MEI4: variants seen among roughly 807,000 people sequenced by gnomAD.
MEI4 encodes meiotic double-stranded break formation protein 4, also known as meiosis-specific protein MEI4.
A neutral mutation model predicts 31.4 loss-of-function variants in MEI4; 27 were observed. That is an observed-to-expected ratio of 0.86 (90% CI 0.63 to 1.19). The LOEUF is 1.19. Ranked by LOEUF, MEI4 falls within the 50% of genes most tolerant of loss-of-function variation. The pLI is 0.00. For synonymous variants in MEI4, 122 were observed against 145.4 expected, an observed-to-expected ratio of 0.84 and a Z score of 1.16; for missense variants, 329 against 398.9, an observed-to-expected ratio of 0.82 and a Z score of 1.49.
At chr6:77,778,442 T>C (rs538885812) in intron 3 of MEI4, among the ~76,000 whole-genome samples, 1 of 152,194 alleles carries the variant, frequency 6.6e-6, no homozygotes, top group South Asian at 2.1e-4. Flanking sequence ...GGCTCATGCC[T>C]GTAATTCCAG....
At chr6:77,841,316 T>TATATATATATATACAC (rs1554168556) in intron 4 of MEI4, among the ~76,000 whole-genome samples, 2 of 43,418 alleles carry the variant, frequency 4.6e-5, no homozygotes, top group East Asian at 1.7e-3. Context: ...AATGTGTGCA[T>TATATATATATATACAC]ATATATATAT....
chr6:77,752,857 C>T (rs558958980), intron 2 of MEI4, among the ~76,000 whole-genome samples: 3 of 152,158 alleles, frequency 2.0e-5, no homozygotes, highest in African/African-American at 4.8e-5. Flanking sequence ...AACTATACTA[C>T]AAGGCTACAG....
chr6:77,923,092 C>T lies in MEI4; in HGVS notation c.904C>T (p.Gln302Ter). The T allele has an allele frequency of 1.6e-6, 2 of 1,229,882 alleles. No individual in the cohort carries two copies. Among genetic ancestry groups the T allele is most frequent in the Non-Finnish European group, 2.0e-6 (2 of 986,338 alleles). The allele number at this position is 1,229,882 out of a possible 1,614,324, so 76.2% of individuals were successfully genotyped here. A position where few individuals can be genotyped will look rare whatever the true frequency, so the allele number is the denominator to read the frequency against. ...ADDLGAINQE[Q>*]ASYDVSRYEN... is the part of the protein sequence containing the mutation. ...GGAGTTTGTTGTTTATTTGTAGGAG[C>T]AAGCCAGTTATGATGTGTCACGCTA... Residue 302 changes from glutamine to a stop codon, truncating the protein, a stop_gained, in exon 5 of 5, where the codon CAA (glutamine) becomes TAA (stop). Transcript: ENST00000684080. LOFTEE classifies it high-confidence loss of function.
chr6:77,865,299 T>G (rs182217851), intron 4 of MEI4, among the ~76,000 whole-genome samples: 1 of 152,178 alleles, frequency 6.6e-6, no homozygotes, highest in East Asian at 1.9e-4. Context: ...AGGAGCTGGT[T>G]TTTTGAAAAT....
At chr6:77,653,668 A>G (rs1371369886) in intron 1 of MEI4, among the ~76,000 whole-genome samples, 1 of 152,192 alleles carries the variant, frequency 6.6e-6, no homozygotes, top group Non-Finnish European at 1.5e-5. Context: ...GCCTTCTATG[A>G]TGTGGAAGAA....
intron 2 of MEI4, among the ~76,000 whole-genome samples, chr6:77,753,050 T>C (rs1047419472): frequency 1.3e-5 from 2 of 152,244 alleles, no homozygotes; most frequent in Non-Finnish European, 2.9e-5. Context: ...GCTAGCCATA[T>C]GCAGAAAGCT....
chr6:77,759,124 C>A (rs1334818594), intron 2 of MEI4, among the ~76,000 whole-genome samples: 1 of 152,050 alleles, frequency 6.6e-6, no homozygotes, highest in Non-Finnish European at 1.5e-5. Flanking sequence ...ATTTTTTCAA[C>A]CTATTGTTTT....
chr6:77,653,582 T>C (rs1474318976), intron 1 of MEI4, among the ~76,000 whole-genome samples: 1 of 152,184 alleles, frequency 6.6e-6, no homozygotes, highest in Admixed American at 6.5e-5. Flanking sequence ...ATCAATTTTA[T>C]TGTTCAATTT....
At chr6:77,799,675 G>A (rs1248662121) in intron 3 of MEI4, among the ~76,000 whole-genome samples, 1 of 152,080 alleles carries the variant, frequency 6.6e-6, no homozygotes, top group East Asian at 1.9e-4. Context: ...TTTGTATAAG[G>A]TGTAAGGAAG....
Position 77,739,777 on chromosome 6 carries a change from A to AT in MEI4, c.233-21346dup, listed in dbSNP as rs1346473307. ...ACTCCTGGATTTGTTGATCTTTTGA[A>AT]TTTTTTTGTGTCTCAATGTCTTTTA... On this transcript the variant is annotated intron_variant, in intron 2 of 4. Transcript: ENST00000684080. Among the ~76,000 whole-genome samples the AT allele has an allele frequency of 2.6e-5, 4 of 150,974 alleles. No homozygotes were observed. In the East Asian group the frequency reaches 7.8e-4, roughly 29 times the overall value.
At chr6:77,798,507 T>A (rs1769147060) in intron 3 of MEI4, among the ~76,000 whole-genome samples, 1 of 151,978 alleles carries the variant, frequency 6.6e-6, no homozygotes, top group African/African-American at 2.4e-5. Flanking sequence ...TTATTATTAT[T>A]ATACTTTAAG....
chr6:77,859,272 G>A (rs1304145061), intron 4 of MEI4, among the ~76,000 whole-genome samples: 1 of 152,102 alleles, frequency 6.6e-6, no homozygotes, highest in Non-Finnish European at 1.5e-5. Flanking sequence ...TATCATTGAT[G>A]TACATTTGGG....
At chr6:77,791,427 AAG>A (rs1561989988) in intron 3 of MEI4, among the ~76,000 whole-genome samples, 104 of 150,458 alleles carry the variant, frequency 6.9e-4, no homozygotes, top group African/African-American at 2.5e-3. Context: ...AAACTATCGC[AAG>A]AACAAAAAAC....
chr6:77,667,773 G>A (rs905364851), intron 1 of MEI4, among the ~76,000 whole-genome samples: 3 of 152,048 alleles, frequency 2.0e-5, no homozygotes, highest in Admixed American at 2.0e-4. Context: ...ATGGGGGAAG[G>A]ATGTATTCCT....
chr6:77,849,275 TAAA>T (rs1770559236), intron 4 of MEI4, among the ~76,000 whole-genome samples: 1 of 152,140 alleles, frequency 6.6e-6, no homozygotes, highest in Non-Finnish European at 1.5e-5. Context: ...ACATTTAAGA[TAAA>T]AGAAGTTTGT....
At chr6:77,801,420 GCT>G (rs1335189155) in intron 3 of MEI4, among the ~76,000 whole-genome samples, 1 of 151,928 alleles carries the variant, frequency 6.6e-6, no homozygotes, top group Non-Finnish European at 1.5e-5. Context: ...CAATTTTGTT[GCT>G]CTTTTCAAAA....
chr6:77,694,564 T>C (rs1244845401), intron 2 of MEI4, among the ~76,000 whole-genome samples: 7 of 152,000 alleles, frequency 4.6e-5, no homozygotes, highest in Admixed American at 1.3e-4. Context: ...TTTCCAATTT[T>C]ATCCATGTCC....
intron 4 of MEI4, among the ~76,000 whole-genome samples, chr6:77,890,408 A>AT (rs951692830): frequency 2.6e-5 from 4 of 152,220 alleles, no homozygotes; most frequent in African/African-American, 9.6e-5. Flanking sequence ...GGCCTGTAGC[A>AT]CCTTTGTTTT....
intron 3 of MEI4, among the ~76,000 whole-genome samples, chr6:77,781,205 C>T (rs1768589911): frequency 1.3e-5 from 2 of 152,188 alleles, no homozygotes; most frequent in Admixed American, 1.3e-4. Flanking sequence ...GCCAGATTTA[C>T]TTTTAAAATA....
Sources: allele counts gnomAD v4.1 joint callset (sites outside exome capture counted in the v4.1 genomes callset), GRCh38; gene constraint gnomAD v4.1.1; transcripts MANE v1.5; gene names NCBI Gene and HGNC (gene_info 2026-07-23, HGNC 2026-07-21).